MAN2A2: variants seen among roughly 807,000 people sequenced by gnomAD.
MAN2A2 encodes the protein alpha-mannosidase 2x.
In MAN2A2, 79 loss-of-function variants were observed where a neutral mutation model predicts 126.8. The ratio of observed to expected loss-of-function variants is 0.62; its 90% CI spans 0.52 to 0.75. The LOEUF (loss-of-function observed/expected upper bound fraction) is 0.75. Among genes scored for constraint, MAN2A2 ranks in the 30% least tolerant of loss-of-function variants. MAN2A2 has a pLI of 0.00. For synonymous variants in MAN2A2, 671 were observed against 618.7 expected (o/e 1.08, Z -1.25); for missense variants, 1,392 against 1,522.4 (o/e 0.91, Z 1.43).
chr15:90,912,634 C>T lies in MAN2A2; in HGVS notation c.2439C>T (p.Ala813=). 1 of 1,614,168 alleles carries T rather than the reference C, an allele frequency of 6.2e-7. No homozygotes were observed. The highest frequency in any genetic ancestry group is 8.5e-7 in the Non-Finnish European group (1 of 1,180,010). The change falls in exon 16 of 23, where the codon GCC becomes GCT. Residue 813 remains alanine, a synonymous_variant. Coordinates refer to ENST00000559717, the MANE Select transcript of MAN2A2 (RefSeq NM_006122.4). ...GTRTSKDKSG[A]YLFLPDGEAK... ...GTACGTCCAAAGACAAGAGTGGAGC[C>T]TACCTCTTCCTGCCCGATGGCGAGG...
Position 90,912,060 on chromosome 15 carries a change from C to G in MAN2A2, c.2127C>G (p.Arg709=). ...GCCCACAGGTGTCTGTGCCTGTCCGCCTGCCAGCCCTGGGCCTGGGCGTGC... is the reference window on the plus strand; with the variant it reads ...GCCCACAGGTGTCTGTGCCTGTCCGGCTGCCAGCCCTGGGCCTGGGCGTGC... ...PDVYQVSVPV[R]LPALGLGVLQ... Residue 709 remains arginine, a synonymous_variant, in exon 15 of 23, where the codon CGC becomes CGG. Transcript: ENST00000559717. The G allele has an allele frequency of 1.2e-6, 2 of 1,612,390 alleles. No individual in the cohort carries two copies. The highest frequency in any genetic ancestry group is 1.7e-6 in the Non-Finnish European group (2 of 1,179,666).
intron 20 of MAN2A2, 172 bp downstream of exon 20, chr15:90,916,428 G>T (rs560394390): frequency 1.9e-6 from 2 of 1,077,704 alleles, no homozygotes; most frequent in Non-Finnish European, 2.7e-6. Flanking sequence ...CCCATCTCAC[G>T]CAGCCTGGCA....
rs1428223542 is a variant in MAN2A2, at chr15:90,920,597, G to A, written c.*810G>A. 1 of 152,318 alleles carries A rather than the reference G, an allele frequency of 6.6e-6. No homozygotes were observed. The highest frequency in any genetic ancestry group is 1.5e-5 in the Non-Finnish European group (1 of 68,120). The allele number at this position is 152,318 out of a possible 1,614,324, so 9.4% of individuals were successfully genotyped here. ...TCTCTTTGGCTTCTGTGCTCTGTAT[G>A]CTGCTGTCCCCAAGGGCTCTTTCTT... On this transcript the variant is annotated 3_prime_UTR_variant, in exon 23 of 23. Transcript: ENST00000559717.
In MAN2A2 at chr15:90,909,462, G is replaced by T; in HGVS notation, c.1332G>T (p.Arg444=). 1 of 1,614,102 alleles carries T rather than the reference G, an allele frequency of 6.2e-7. No individual in the cohort carries two copies. The highest frequency in any genetic ancestry group is 1.7e-5 in the Admixed American group (1 of 60,004). The change falls in exon 9 of 23, where the codon CGG becomes CGT. Residue 444 remains arginine (R), a synonymous_variant. Coordinates refer to ENST00000559717, the MANE Select transcript of MAN2A2 (RefSeq NM_006122.4). ...EWDAQFFNYQ[R]LFDFFNSRPN... ...ATGCCCAGTTCTTCAACTACCAACGGCTCTTTGACTTCTTCAACAGCAGGC... is the reference window on the plus strand; with the variant it reads ...ATGCCCAGTTCTTCAACTACCAACGTCTCTTTGACTTCTTCAACAGCAGGC...
In MAN2A2 at chr15:90,905,599, G is replaced by A; in HGVS notation, c.411G>A (p.Glu137=). 1 of 1,614,206 alleles carries A rather than the reference G, an allele frequency of 6.2e-7. No homozygotes were observed. The highest frequency in any genetic ancestry group is 8.5e-7 in the Non-Finnish European group (1 of 1,180,044). The change falls in exon 4 of 23, where the codon GAG becomes GAA. Residue 137 remains glutamate (E), a synonymous_variant. Coordinates refer to ENST00000559717, the MANE Select transcript of MAN2A2 (RefSeq NM_006122.4). ...PELQMLTVSE[E]LPFDNVDGGV... ...GGCAGATGCTCACTGTGTCGGAGGAGCTGCCGTTTGACAACGTGGATGGTG... is the reference window on the plus strand; with the variant it reads ...GGCAGATGCTCACTGTGTCGGAGGAACTGCCGTTTGACAACGTGGATGGTG...
intron 8 of MAN2A2, 100 bp downstream of exon 8, chr15:90,907,595 G>A: frequency 1.8e-6 from 2 of 1,134,276 alleles, no homozygotes; most frequent in East Asian, 2.5e-5. Context: ...GTGAGTTGAG[G>A]CTCCTAGCCT....
intron 8 of MAN2A2, among the ~76,000 whole-genome samples, chr15:90,909,030 T>G (rs1345425848): frequency 1.3e-5 from 2 of 152,194 alleles, no homozygotes; most frequent in Non-Finnish European, 2.9e-5. Flanking sequence ...GTCCAGACCC[T>G]TCACTTTGGT....
intron 19 of MAN2A2, 148 bp from the exon 20 acceptor site, chr15:90,915,974 TG>T: frequency 1.3e-6 from 1 of 776,284 alleles, no homozygotes; most frequent in Non-Finnish European, 2.0e-6. Context: ...CTCCCAGCCG[TG>T]GGAACCCGTG....
rs911783007 is a variant in MAN2A2 at position 90,910,601 on chromosome 15, C to T, written c.1678C>T (p.Arg560Trp). ...TGATTTCACCCTCCTGACGGAAGCT[C>T]GGCGCACATTGGGGCTCTTCCAGCA... ...LSDFTLLTEA[R>W]RTLGLFQHHD... Residue 560 changes from arginine to tryptophan, a missense_variant, in exon 11 of 23, where the codon CGG becomes TGG. By Grantham distance (101) the Arg-to-Trp change is moderately radical. Coordinates refer to ENST00000559717, the MANE Select transcript of MAN2A2 (RefSeq NM_006122.4). The T allele has an allele frequency of 2.7e-5, 43 of 1,614,046 alleles. No individual in the cohort carries two copies. Among genetic ancestry groups the T allele is most frequent in the East Asian group, 4.5e-5 (2 of 44,892 alleles).
chr15:90,906,688 G>T, intron 6 of MAN2A2, 52 bp from the exon 7 acceptor site: 1 of 1,594,958 alleles, frequency 6.3e-7, no homozygotes, highest in Non-Finnish European at 8.5e-7. Flanking sequence ...AGGCCGGGGG[G>T]CCAGCCCCTG....
chr15:90,907,337 T>C lies in MAN2A2; in HGVS notation c.1038T>C (p.Cys346=), dbSNP rs1452867896. Residue 346 remains cysteine (C), a synonymous_variant, in exon 8 of 23, where the codon TGT becomes TGC. Coordinates refer to ENST00000559717, the MANE Select transcript of MAN2A2 (RefSeq NM_006122.4). Reference sequence around the variant, plus strand: ...CGGACTCCAGCACAGACATCTTCTGTCACATGATGCCCTTCTACAGCTATG... The same window carrying C: ...CGGACTCCAGCACAGACATCTTCTGCCACATGATGCCCTTCTACAGCTATG... ...WDSDSSTDIF[C]HMMPFYSYDV... 2.2e-5 allele frequency: 35 copies of C among 1,614,046 alleles called. No individual in the cohort carries two copies. The highest frequency in any genetic ancestry group is 2.9e-5 in the Non-Finnish European group (34 of 1,179,952).
In MAN2A2 at chr15:90,905,967, G is replaced by A. The variant is rs763003195; in HGVS notation, c.658G>A (p.Ala220Thr). Residue 220 changes from alanine (A) to threonine (T), a missense_variant, in exon 5 of 23, where the codon GCC (alanine) becomes ACC (threonine). Coordinates refer to ENST00000559717, the MANE Select transcript of MAN2A2 (RefSeq NM_006122.4). ...CCTCTGGGCAGAGGTCTCCTTCTTC[G>A]CCAAGTGGTGGGACAACATCAATGT... The part of the protein sequence containing the change: ...RFLWAEVSFF[A>T]KWWDNINVQK... 5.6e-6 allele frequency: 9 copies of A among 1,613,972 alleles called. No individual in the cohort carries two copies. Among genetic ancestry groups the A allele is most frequent in the Admixed American group, 1.7e-5 (1 of 60,018 alleles).
chr15:90,911,578 TG>T, intron 14 of MAN2A2, 28 bp downstream of exon 14: 1 of 1,588,730 alleles, frequency 6.3e-7, no homozygotes, highest in Non-Finnish European at 8.6e-7. Flanking sequence ...CAGGTGGGCC[TG>T]GCCCTCTGCC....
At chr15:90,911,890 GA>G in intron 14 of MAN2A2, 152 bp from the exon 15 acceptor site, 1 of 694,488 alleles carries the variant, frequency 1.4e-6, no homozygotes, top group Non-Finnish European at 2.5e-6. Flanking sequence ...TGATGAGGAA[GA>G]AAGGGCAAAT....
At chr15:90,916,040 C>G in intron 19 of MAN2A2, 83 bp from the exon 20 acceptor site, 1 of 1,489,456 alleles carries the variant, frequency 6.7e-7, no homozygotes, top group African/African-American at 1.4e-5. Context: ...TCCGTCAGGG[C>G]CTGTGGCTTG....
rs550546703 is a variant in MAN2A2, at chr15:90,905,340, C to T, written c.222C>T (p.Ser74=). Residue 74 remains serine (S), a synonymous_variant, in exon 3 of 23, where the codon TCC becomes TCT. Coordinates refer to ENST00000559717, the MANE Select transcript of MAN2A2 (RefSeq NM_006122.4). ...NHEIISHIKD[S]VLELTANAEG... ...AGATTATCAGCCATATCAAGGACTC[C>T]GTGCTGGAGCTGACAGCCAACGCAG... 23 of 1,613,878 alleles carry T rather than the reference C, an allele frequency of 1.4e-5. No individual in the cohort carries two copies. The highest frequency in any genetic ancestry group is 5.3e-5 in the African/African-American group (4 of 75,040).
intron 20 of MAN2A2, 95 bp from the exon 21 acceptor site, chr15:90,918,099 C>T (rs1193053226): frequency 7.9e-7 from 1 of 1,262,706 alleles, no homozygotes; most frequent in Non-Finnish European, 1.1e-6. Context: ...AAGGTCTTTC[C>T]AAAACAACTG....
chr15:90,910,729 C>T (rs1325964282), intron 11 of MAN2A2, 46 bp downstream of exon 11: 1 of 1,608,620 alleles, frequency 6.2e-7, no homozygotes, highest in Non-Finnish European at 8.5e-7. Flanking sequence ...GCTCACTGTC[C>T]CAAAGAAAGG....
chr15:90,910,645 C>G lies in MAN2A2; in HGVS notation c.1722C>G (p.Gly574=). ...GLFQHHDAIT[G]TAKEAVVVDY... is the part of the protein sequence containing the mutation. ...TCCAGCATCACGATGCCATCACTGGCACGGCCAAGGAGGCTGTGGTGGTGG... is the reference window on the plus strand; with the variant it reads ...TCCAGCATCACGATGCCATCACTGGGACGGCCAAGGAGGCTGTGGTGGTGG... The change falls in exon 11 of 23, where the codon GGC becomes GGG. Residue 574 remains glycine (G), a synonymous_variant. Transcript: ENST00000559717. The G allele has an allele frequency of 6.2e-7, 1 of 1,614,130 alleles. No individual in the cohort carries two copies. The highest frequency in any genetic ancestry group is 8.5e-7 in the Non-Finnish European group (1 of 1,180,020).
Sources: allele counts gnomAD v4.1 joint callset (sites outside exome capture counted in the v4.1 genomes callset), GRCh38; gene constraint gnomAD v4.1.1; transcripts MANE v1.5; gene names NCBI Gene and HGNC (gene_info 2026-07-23, HGNC 2026-07-21).